Variants in HMGXB3 observed in about 807,000 individuals in gnomAD.
HMGXB3 encodes HMG domain-containing protein 3.
Under a neutral mutation model 121.5 loss-of-function variants are expected in HMGXB3, and 45 were observed. The observed-to-expected ratio is 0.37, with a 90% CI of 0.29 to 0.47. The LOEUF (loss-of-function observed/expected upper bound fraction) is 0.47, where lower values mean the gene tolerates loss of function less well. HMGXB3 is among the 20% of genes least tolerant of loss of function. HMGXB3 has a pLI of 0.99. For missense variants in HMGXB3, 1,376 were observed against 1,602.2 expected (o/e 0.86, Z 2.41); for synonymous variants, 590 against 624.1 (o/e 0.95, Z 0.81).
At chr5:150,021,877 C>A in intron 6 of HMGXB3, 1 of 511,372 alleles carries the variant, frequency 2.0e-6, no homozygotes, top group South Asian at 1.4e-5. Context: ...GGTGAATTGC[C>A]ACCTCCAGCT....
intron 5 of HMGXB3, among the ~76,000 whole-genome samples, chr5:150,014,300 T>G (rs1755911626): frequency 6.6e-6 from 1 of 152,220 alleles, no homozygotes; most frequent in African/African-American, 2.4e-5. Context: ...ACATATTGTT[T>G]TATGCAATCT....
intron 6 of HMGXB3, among the ~76,000 whole-genome samples, chr5:150,020,404 G>A (rs921029143): frequency 1.3e-5 from 2 of 152,180 alleles, no homozygotes; most frequent in Non-Finnish European, 2.9e-5. Context: ...AATCTTCCTT[G>A]GCCTTTCTTG....
At chr5:150,047,888 C>A in intron 17 of HMGXB3, 131 bp downstream of exon 17, 1 of 973,546 alleles carries the variant, frequency 1.0e-6, no homozygotes, top group Non-Finnish European at 1.5e-6. Context: ...TCAGGGATGC[C>A]TAGGAGATGG....
chr5:150,002,941 G>A (rs981485686), intron 1 of HMGXB3, among the ~76,000 whole-genome samples: 3 of 152,060 alleles, frequency 2.0e-5, no homozygotes, highest in Admixed American at 2.0e-4. Context: ...CTAGGAGTTT[G>A]AGACCAGCTT....
At chr5:150,026,439 T>C (rs1433378872) in intron 7 of HMGXB3, among the ~76,000 whole-genome samples, 1 of 152,268 alleles carries the variant, frequency 6.6e-6, no homozygotes, top group Admixed American at 6.5e-5. Context: ...GACATCGTTT[T>C]ACACTTCTGT....
At chr5:150,003,184 A>C (rs1165025059) in intron 1 of HMGXB3, among the ~76,000 whole-genome samples, 2 of 152,194 alleles carry the variant, frequency 1.3e-5, no homozygotes, top group Non-Finnish European at 2.9e-5. Context: ...TCAATTCTTC[A>C]GTCACACTAG....
At position 150,030,730 on chromosome 5, in the gene HMGXB3, C is replaced by G. The variant is rs1756352399; in HGVS notation, c.1735-11C>G. 1 of 1,547,642 alleles carries G rather than the reference C, an allele frequency of 6.5e-7. No individual in the cohort carries two copies. Among genetic ancestry groups the G allele is most frequent in the Middle Eastern group, 1.7e-4 (1 of 5,986 alleles). On this transcript the variant is annotated splice_polypyrimidine_tract_variant and intron_variant, in intron 9 of 19. Coordinates refer to ENST00000502717, the MANE Select transcript of HMGXB3 (RefSeq NM_014983.3). ...GTTCAAAAGCACTAAATAATTTGTT[C>G]TGATCCACAGCTACCAAGTGGCCCA...
intron 6 of HMGXB3, 54 bp from the exon 7 acceptor site, chr5:150,024,208 A>T: frequency 7.5e-7 from 1 of 1,327,646 alleles, no homozygotes; most frequent in South Asian, 1.6e-5. Context: ...AATGTTTGTG[A>T]ATGTCATCAA....
At position 150,037,399 on chromosome 5, in the gene HMGXB3, G is replaced by A. The variant is rs1484653273; in HGVS notation, c.2286-1G>A. The A allele has an allele frequency of 6.5e-7, 1 of 1,538,190 alleles. No homozygotes were observed. Among genetic ancestry groups the A allele is most frequent in the African/African-American group, 1.4e-5 (1 of 72,236 alleles). On this transcript the variant is annotated splice_acceptor_variant, in intron 12 of 19. Transcript: ENST00000502717. LOFTEE classifies it high-confidence loss of function. ...TTTGTTGGTGATGTTTCTGGTACTA[G>A]CTCCCTGGCTGGGCCCCAGGAGTGC... is the stretch of plus-strand genomic sequence containing the variant.
At chr5:150,011,604 GTTT>G (rs35010665) in intron 4 of HMGXB3, among the ~76,000 whole-genome samples, 1 of 132,664 alleles carries the variant, frequency 7.5e-6, no homozygotes. Context: ...TTTTTTTTTG[GTTT>G]TTTTTTTTTT....
chr5:150,012,372 G>T lies in HMGXB3; in HGVS notation c.909+19G>T, dbSNP rs1484383225. ...CAAACTGGTCAGTACTGTATGTGGGGGATTGATGGCAATTAGGGTGTCATA... is the reference window on the plus strand; with the variant it reads ...CAAACTGGTCAGTACTGTATGTGGGTGATTGATGGCAATTAGGGTGTCATA... On this transcript the variant is annotated intron_variant, in intron 5 of 19. Transcript: ENST00000502717. The T allele has an allele frequency of 2.7e-6, 4 of 1,503,378 alleles. No individual in the cohort carries two copies. The highest frequency in any genetic ancestry group is 9.1e-7 in the Non-Finnish European group (1 of 1,103,332). 93.1% of individuals were successfully genotyped at this position (1,503,378 alleles called of 1,614,324 possible).
intron 6 of HMGXB3, chr5:150,021,588 T>C (rs1022274551): frequency 2.3e-6 from 1 of 429,710 alleles, no homozygotes; most frequent in South Asian, 2.1e-5. Context: ...CAGTGGTGAC[T>C]TGCACCTCAA....
intron 11 of HMGXB3, among the ~76,000 whole-genome samples, chr5:150,034,462 C>T (rs1756454900): frequency 6.6e-6 from 1 of 152,016 alleles, no homozygotes; most frequent in African/African-American, 2.4e-5. Context: ...GCGCGGTTTG[C>T]AGTGGAAGTG....
intron 4 of HMGXB3, among the ~76,000 whole-genome samples, chr5:150,011,356 A>G (rs1755831971): frequency 6.6e-6 from 1 of 152,178 alleles, no homozygotes; most frequent in African/African-American, 2.4e-5. Context: ...AGAAACTGCT[A>G]CCATGCCATA....
intron 4 of HMGXB3, among the ~76,000 whole-genome samples, chr5:150,011,160 C>T (rs1469653276): frequency 1.3e-5 from 2 of 152,084 alleles, no homozygotes; most frequent in Non-Finnish European, 2.9e-5. Context: ...AAGACCTGTA[C>T]CCAGGTCTTC....
Position 150,052,254 on chromosome 5 carries a change from C to T in HMGXB3, c.*62C>T, listed in dbSNP as rs1756934939. 10 of 1,311,998 alleles carry T rather than the reference C, an allele frequency of 7.6e-6. No homozygotes were observed. Among genetic ancestry groups the T allele is most frequent in the Non-Finnish European group, 9.4e-6 (9 of 960,746 alleles). 81.3% of individuals were successfully genotyped at this position (1,311,998 alleles called of 1,614,324 possible). A position where few individuals can be genotyped will look rare whatever the true frequency, so the allele number is the denominator to read the frequency against. On this transcript the variant is annotated 3_prime_UTR_variant, in exon 20 of 20. Transcript: ENST00000502717. ...GCCATAGTAAGGCCCTTGCCTGAGG[C>T]AGAGCTATCCAGGGGACCTGCAGAA...
In HMGXB3 at chr5:150,047,610, G is replaced by A. The variant is rs1377136348; in HGVS notation, c.2951-14G>A. The A allele has an allele frequency of 6.4e-7, 1 of 1,551,556 alleles. No homozygotes were observed. ...GCGGCAGCACCCTCCCACCAGCACT[G>A]TTGTCTCTTGCAGGCAGTGGCAGTG... On this transcript the variant is annotated splice_polypyrimidine_tract_variant and intron_variant, in intron 16 of 19. Transcript: ENST00000502717.
chr5:150,042,980 A>G (rs2113759134), intron 15 of HMGXB3, among the ~76,000 whole-genome samples: 1 of 152,378 alleles, frequency 6.6e-6, no homozygotes, highest in East Asian at 1.9e-4. Flanking sequence ...ATGAATATAG[A>G]TGAAAGTCTG....
At chr5:150,026,580 A>T (rs1756234810) in intron 7 of HMGXB3, 126 bp from the exon 8 acceptor site, 7 of 757,964 alleles carry the variant, frequency 9.2e-6, no homozygotes, top group African/African-American at 1.8e-5. Flanking sequence ...ATTTGAACTC[A>T]ATCTGTCTAA....
Sources: gnomAD v4.1 joint callset for allele counts (sites outside exome capture counted in the v4.1 genomes callset) on GRCh38, gnomAD v4.1.1 for gene constraint, MANE v1.5 for transcripts, NCBI Gene and HGNC (gene_info 2026-07-23, HGNC 2026-07-21) for gene names.